GYPE: variants seen among roughly 807,000 people sequenced by gnomAD.
The protein encoded by GYPE is glycophorin-E.
Under a neutral mutation model 11.6 loss-of-function variants are expected in GYPE, and 8 were observed. That is an observed-to-expected ratio of 0.69 (90% confidence interval 0.41 to 1.25). The LOEUF (loss-of-function observed/expected upper bound fraction) is 1.25, where lower values mean the gene tolerates loss of function less well. Among genes scored for constraint, GYPE ranks in the 50% most tolerant of loss-of-function variants. The probability of loss-of-function intolerance (pLI) is 0.01; values close to 1 mark genes in which losing one functional copy is unlikely to be tolerated. For missense variants in GYPE, 90 were observed against 92.8 expected (o/e 0.97, Z 0.12); for synonymous variants, 28 against 29.6 (o/e 0.94, Z 0.18).
intron 1 of GYPE, among the ~76,000 whole-genome samples, chr4:143,887,678 C>T (rs1189990048): frequency 2.7e-5 from 4 of 150,800 alleles, no homozygotes; most frequent in Non-Finnish European, 5.9e-5. Flanking sequence ...AGGCTTAGGG[C>T]ACCTAGCAGG....
intron 1 of GYPE, among the ~76,000 whole-genome samples, chr4:143,881,763 G>A (rs1434406984): frequency 6.6e-6 from 1 of 151,956 alleles, no homozygotes; most frequent in Non-Finnish European, 1.5e-5. Context: ...TATGATAAAC[G>A]TCAGTACCCT....
chr4:143,897,123 A>G (rs1321275955), intron 1 of GYPE, among the ~76,000 whole-genome samples: 1 of 152,070 alleles, frequency 6.6e-6, no homozygotes, highest in African/African-American at 2.4e-5. Context: ...TAACCGGCAC[A>G]TTGTGCACAT....
intron 1 of GYPE, among the ~76,000 whole-genome samples, chr4:143,897,761 T>A (rs892037415): frequency 1.4e-4 from 21 of 152,038 alleles, no homozygotes; most frequent in Middle Eastern, 3.2e-3. Flanking sequence ...CATGCACACC[T>A]TTATCCAGCT....
intron 1 of GYPE, 101 bp from the exon 2 acceptor site, chr4:143,880,610 C>G (rs1743988678): frequency 6.4e-7 from 1 of 1,564,132 alleles, no homozygotes; most frequent in East Asian, 2.3e-5. Context: ...CCTCCAGTCC[C>G]TGAGCTAAGC....
At chr4:143,900,064 C>T (rs1051671416) in intron 1 of GYPE, among the ~76,000 whole-genome samples, 13 of 149,312 alleles carry the variant, frequency 8.7e-5, no homozygotes, top group Non-Finnish European at 1.5e-4. Flanking sequence ...GACTCTTTAT[C>T]CAGAACATAG....
At chr4:143,895,207 A>G (rs1019342518) in intron 1 of GYPE, among the ~76,000 whole-genome samples, 8 of 152,182 alleles carry the variant, frequency 5.3e-5, no homozygotes, top group African/African-American at 1.7e-4. Flanking sequence ...GAAAAGAGGA[A>G]GTCAAATTGT....
chr4:143,875,280 T>A lies in GYPE; in HGVS notation c.*9+1466A>T. ...ATGGGCTTTACATTTTAAACATAGC[T>A]TGAAATAACAAATCATGACTATACT... On this transcript the variant is annotated intron_variant, in intron 3 of 3. Transcript: ENST00000358615. 3 of 602,734 alleles carry A rather than the reference T, an allele frequency of 5.0e-6. No individual in the cohort carries two copies. In the South Asian group the frequency reaches 6.7e-5, roughly 13 times the overall value. 37.3% of individuals were successfully genotyped at this position (602,734 alleles called of 1,614,324 possible).
At chr4:143,875,758 C>T (rs1300345136) in intron 3 of GYPE, among the ~76,000 whole-genome samples, 2 of 151,966 alleles carry the variant, frequency 1.3e-5, no homozygotes, top group African/African-American at 4.8e-5. Context: ...CACTTGAGGT[C>T]AGGAGTTTGA....
intron 1 of GYPE, among the ~76,000 whole-genome samples, chr4:143,881,091 A>T (rs1744005401): frequency 6.6e-6 from 1 of 151,988 alleles, no homozygotes; most frequent in Non-Finnish European, 1.5e-5. Context: ...CAATAATAAA[A>T]CACTATTACA....
At chr4:143,879,449 T>C (rs1226560360) in intron 2 of GYPE, among the ~76,000 whole-genome samples, 2 of 152,186 alleles carry the variant, frequency 1.3e-5, no homozygotes, top group Non-Finnish European at 2.9e-5. Context: ...CTTCTCTTTC[T>C]TGGTTACAGT....
At chr4:143,899,025 C>A (rs1345184319) in intron 1 of GYPE, among the ~76,000 whole-genome samples, 1 of 143,784 alleles carries the variant, frequency 7.0e-6, no homozygotes, top group Admixed American at 7.1e-5. Flanking sequence ...TAAGTGATAA[C>A]ATCAAAAGGA....
chr4:143,885,628 C>A (rs1001495676), intron 1 of GYPE, among the ~76,000 whole-genome samples: 2 of 151,742 alleles, frequency 1.3e-5, no homozygotes, highest in Non-Finnish European at 2.9e-5. Flanking sequence ...ATCTACATGC[C>A]TCCACTCTGG....
chr4:143,875,598 A>G, intron 3 of GYPE: 3 of 1,541,426 alleles, frequency 1.9e-6, no homozygotes, highest in Non-Finnish European at 2.6e-6. Flanking sequence ...TCACAGGCCA[A>G]TCCTTCATAG....
intron 1 of GYPE, among the ~76,000 whole-genome samples, chr4:143,902,068 A>T (rs13148740): frequency 0.94 from 142,584 of 152,034 alleles, 67,603 homozygotes; most frequent in East Asian, 1. Flanking sequence ...CTTTATTGAA[A>T]AGGCACAAGA....
intron 1 of GYPE, among the ~76,000 whole-genome samples, chr4:143,898,030 C>T (rs1426491835): frequency 6.7e-6 from 1 of 148,334 alleles, no homozygotes; most frequent in South Asian, 2.2e-4. Context: ...TTAATGAATT[C>T]ATATGGATTA....
chr4:143,903,820 T>A (rs1373742134), intron 1 of GYPE, among the ~76,000 whole-genome samples: 2 of 151,942 alleles, frequency 1.3e-5, no homozygotes, highest in East Asian at 3.9e-4. Context: ...AAAAAAATCA[T>A]TTCTTTGCCA....
At chr4:143,901,641 G>GT (rs33916523) in intron 1 of GYPE, among the ~76,000 whole-genome samples, 138,325 of 149,100 alleles carry the variant, frequency 0.93, 64,980 homozygotes, top group East Asian at 1. Flanking sequence ...GAAGGATTGG[G>GT]TTTTTTTTTT....
intron 1 of GYPE, among the ~76,000 whole-genome samples, chr4:143,904,929 T>A (rs1745004388): frequency 6.6e-6 from 1 of 152,188 alleles, no homozygotes; most frequent in Non-Finnish European, 1.5e-5. Context: ...AAAATTCACA[T>A]GACATCTAAG....
intron 3 of GYPE, among the ~76,000 whole-genome samples, chr4:143,872,744 C>T (rs138231354): frequency 0.015 from 2,307 of 152,138 alleles, 74 homozygotes; most frequent in Admixed American, 0.079. Flanking sequence ...AATATGGAGG[C>T]AGTCAAGCAA....
Sources: allele counts gnomAD v4.1 joint callset (sites outside exome capture counted in the v4.1 genomes callset), GRCh38; gene constraint gnomAD v4.1.1; transcripts MANE v1.5; gene names NCBI Gene and HGNC (gene_info 2026-07-23, HGNC 2026-07-21).